Variants in ITGB1 observed in about 807,000 individuals in gnomAD.
ITGB1 encodes the protein integrin subunit beta 1.
In ITGB1, 24 loss-of-function variants were observed where a neutral mutation model predicts 86.5. The ratio of observed to expected loss-of-function variants is 0.28; its 90% CI spans 0.20 to 0.39. ITGB1 has a LOEUF of 0.39. Ranked by LOEUF, ITGB1 falls within the 10% of genes least tolerant of loss-of-function variation. The pLI is 1.00. For missense variants in ITGB1, 556 were observed against 946.9 expected, an observed-to-expected ratio of 0.59 and a Z score of 5.42; for synonymous variants, 323 against 316.8, an observed-to-expected ratio of 1.02 and a Z score of -0.21.
chr10:32,911,811 C>T lies in ITGB1; in HGVS notation c.1708+75G>A, dbSNP rs1231651257. ...TCAAGCTACCCCTTTTCTACTTATGCACCAACTAAACTCAAGATTTTTCGT... is the reference window on the plus strand; with the variant it reads ...TCAAGCTACCCCTTTTCTACTTATGTACCAACTAAACTCAAGATTTTTCGT... On this transcript the variant is annotated intron_variant, in intron 12 of 15. Coordinates refer to ENST00000302278, the MANE Select transcript of ITGB1 (RefSeq NM_002211.4). 7 of 1,440,324 alleles carry T rather than the reference C, an allele frequency of 4.9e-6. No individual in the cohort carries two copies. The East Asian group carries it at 1.1e-4, about 23-fold the overall frequency. The allele number at this position is 1,440,324 out of a possible 1,614,324, so 89.2% of individuals were successfully genotyped here.
At position 32,925,952 on chromosome 10, in the gene ITGB1, A is replaced by G; in HGVS notation, c.705T>C (p.Leu235=). The change falls in exon 6 of 16, where the codon CTT becomes CTC. Residue 235 remains leucine (L), a synonymous_variant. Coordinates refer to ENST00000302278, the MANE Select transcript of ITGB1 (RefSeq NM_002211.4). The part of the protein sequence containing the change: ...LTNKGEVFNE[L]VGKQRISGNL... The stretch of plus-strand genomic sequence containing the variant: ...TTCCAGATATGCGCTGTTTTCCAAC[A>G]AGTTCATTAAATACTTCTCCTTTAT... The G allele has an allele frequency of 6.2e-7, 1 of 1,614,100 alleles. No homozygotes were observed. Among genetic ancestry groups the G allele is most frequent in the East Asian group, 2.2e-5 (1 of 44,868 alleles).
chr10:32,920,907 C>T (rs368269720), intron 9 of ITGB1, among the ~76,000 whole-genome samples: 4 of 151,638 alleles, frequency 2.6e-5, no homozygotes, highest in Non-Finnish European at 4.4e-5. Context: ...CGCCTGAACC[C>T]GGGAGGCAGG....
intron 4 of ITGB1, 21 bp downstream of exon 4, chr10:32,929,801 C>T: frequency 7.3e-7 from 1 of 1,368,800 alleles, no homozygotes; most frequent in Non-Finnish European, 1.0e-6. Context: ...CGCAGGTATT[C>T]ACAGAGTTGG....
intron 1 of ITGB1, among the ~76,000 whole-genome samples, chr10:32,938,779 A>G (rs1390582464): frequency 6.6e-6 from 1 of 152,212 alleles, no homozygotes; most frequent in Non-Finnish European, 1.5e-5. Flanking sequence ...TATCTGTAAA[A>G]GGCGAGGCTT....
chr10:32,933,096 A>G (rs1364107854), intron 2 of ITGB1, among the ~76,000 whole-genome samples: 2 of 151,918 alleles, frequency 1.3e-5, no homozygotes, highest in Non-Finnish European at 2.9e-5. Flanking sequence ...CCATCCTTCT[A>G]CTATCTTCAT....
chr10:32,920,244 C>A lies in ITGB1; in HGVS notation c.1269+1G>T, dbSNP rs766066632. The A allele has an allele frequency of 6.2e-7, 1 of 1,613,124 alleles. No individual in the cohort carries two copies. Among genetic ancestry groups the A allele is most frequent in the Non-Finnish European group, 8.5e-7 (1 of 1,179,412 alleles). On this transcript the variant is annotated splice_donor_variant, in intron 10 of 15. Transcript: ENST00000302278. LOFTEE classifies it high-confidence loss of function. ...TACAGAAAATGCTTTATACAACATA[C>A]CTCATCTCCAATGGAAATATTGGAA... is the stretch of plus-strand genomic sequence containing the variant.
At chr10:32,903,351 CAAA>C (rs35559257) in intron 15 of ITGB1, among the ~76,000 whole-genome samples, 16 of 57,026 alleles carry the variant, frequency 2.8e-4, no homozygotes, top group East Asian at 6.8e-4. Context: ...GACTCCATCT[CAAA>C]AAAAAAAAAA....
chr10:32,951,492 T>C (rs1433573366), intron 1 of ITGB1, among the ~76,000 whole-genome samples: 2 of 151,734 alleles, frequency 1.3e-5, no homozygotes, highest in Non-Finnish European at 2.9e-5. Flanking sequence ...TTAATTCAAA[T>C]GGGGGTAAAG....
At chr10:32,933,303 A>G (rs1057373774) in intron 2 of ITGB1, 1 of 152,154 alleles carries the variant, frequency 6.6e-6, no homozygotes, top group South Asian at 2.1e-4. Flanking sequence ...GTTCTCTTAA[A>G]ACTGGGCAAA....
Position 32,920,498 on chromosome 10 carries a change from A to G in ITGB1, c.1129-113T>C, listed in dbSNP as rs1047743451. 1.1e-4 allele frequency: 101 copies of G among 884,400 alleles called. No homozygotes were observed. In the Middle Eastern group the frequency reaches 1.4e-3, roughly 13 times the overall value. 54.8% of individuals were successfully genotyped at this position (884,400 alleles called of 1,614,324 possible). On this transcript the variant is annotated intron_variant, in intron 9 of 15. Transcript: ENST00000302278. The stretch of plus-strand genomic sequence containing the variant: ...AATATATTTCAATAAAGTATCTACA[A>G]GCCAAATCCAATTGAGTAACTAGAA...
intron 15 of ITGB1, chr10:32,907,270 T>A (rs986186622): frequency 3.2e-6 from 1 of 313,004 alleles, no homozygotes; most frequent in Admixed American, 5.4e-5. Context: ...AAAAAATTGA[T>A]AATTTTTAAA....
intron 2 of ITGB1, among the ~76,000 whole-genome samples, chr10:32,932,995 T>C (rs557388738): frequency 2.0e-5 from 3 of 152,288 alleles, no homozygotes; most frequent in South Asian, 2.1e-4. Flanking sequence ...TACCAAATAC[T>C]AGGTCATACT....
chr10:32,901,761 A>G (rs1651332345), intron 15 of ITGB1, 126 bp from the exon 16 acceptor site: 3 of 628,412 alleles, frequency 4.8e-6, no homozygotes, highest in South Asian at 4.5e-5. Context: ...ATTTGTCCAG[A>G]TATCACAGTT....
intron 7 of ITGB1, 49 bp from the exon 8 acceptor site, chr10:32,922,784 C>T (rs200526920): frequency 9.5e-7 from 1 of 1,055,462 alleles, no homozygotes; most frequent in Non-Finnish European, 1.4e-6. Flanking sequence ...CCCTTATAAT[C>T]TCTTCTAATT....
chr10:32,946,379 A>G (rs2095031300), intron 1 of ITGB1, among the ~76,000 whole-genome samples: 1 of 152,190 alleles, frequency 6.6e-6, no homozygotes, highest in South Asian at 2.1e-4. Context: ...GAGTTTTCTG[A>G]AGGAGTTCTT....
intron 3 of ITGB1, among the ~76,000 whole-genome samples, chr10:32,931,461 T>C (rs2094983084): frequency 6.6e-6 from 1 of 152,148 alleles, no homozygotes; most frequent in Non-Finnish European, 1.5e-5. Flanking sequence ...ATTCTAATTA[T>C]TGTAACAATA....
Position 32,912,102 on chromosome 10 carries a change from T to C in ITGB1, c.1492A>G (p.Arg498Gly). ...TCATCTGTGCTGCATTCACAATGTC[T>C]ACCAACACGCCCTTCATTGCACCTG... ...ACRCNEGRVG[R>G]HCECSTDEVN... The change falls in exon 12 of 16, where the codon AGA (arginine) becomes GGA (glycine). Residue 498 changes from arginine (R) to glycine (G), a missense_variant. Transcript: ENST00000302278. The C allele has an allele frequency of 1.2e-6, 2 of 1,613,500 alleles. No individual in the cohort carries two copies. Among genetic ancestry groups the C allele is most frequent in the Non-Finnish European group, 1.7e-6 (2 of 1,179,506 alleles).
At chr10:32,956,743 G>C (rs760201052) in intron 1 of ITGB1, among the ~76,000 whole-genome samples, 5 of 152,064 alleles carry the variant, frequency 3.3e-5, no homozygotes, top group Non-Finnish European at 7.4e-5. Flanking sequence ...ACCCACCTAA[G>C]TTAACCATGT....
At chr10:32,925,608 C>A (rs1416664767) in intron 6 of ITGB1, among the ~76,000 whole-genome samples, 3 of 152,136 alleles carry the variant, frequency 2.0e-5, no homozygotes, top group Admixed American at 2.0e-4. Flanking sequence ...GAGGTTGCCC[C>A]GCTGTTTCAA....
Sources: allele counts gnomAD v4.1 joint callset (sites outside exome capture counted in the v4.1 genomes callset), GRCh38; gene constraint gnomAD v4.1.1; transcripts MANE v1.5; gene names NCBI Gene and HGNC (gene_info 2026-07-23, HGNC 2026-07-21).